The following GNAS variants were observed in gnomAD, a reference collection of about 807,000 sequenced individuals.
GNAS encodes the protein protein ALEX.
GNAS carries 8 observed loss-of-function variants against 54.5 expected under a neutral mutation model. That is an observed-to-expected ratio of 0.15 (90% CI 0.09 to 0.26). The LOEUF (loss-of-function observed/expected upper bound fraction) is 0.26. GNAS is among the 10% of genes least tolerant of loss of function. GNAS has a pLI of 1.00. For missense variants in GNAS, 170 were observed against 529.8 expected (o/e 0.32, Z 6.67); for synonymous variants, 204 against 191.4 (o/e 1.07, Z -0.54).
intron 1 of GNAS, chr20:58,895,138 G>A (rs1354346485): frequency 3.9e-6 from 1 of 254,550 alleles, no homozygotes; most frequent in African/African-American, 2.3e-5. Flanking sequence ...AGAGACTGCA[G>A]TGTCTGGGCA....
chr20:58,886,216 C>T (rs886232279), intron 1 of GNAS, among the ~76,000 whole-genome samples: 1 of 152,198 alleles, frequency 6.6e-6, no homozygotes, highest in Non-Finnish European at 1.5e-5. Flanking sequence ...GGACGTTGTT[C>T]ATTGTTGTCA....
Position 58,841,346 on chromosome 20 carries a change from GCCGCGCTGTAGAGACA to G in GNAS, c.43+464_43+479del. 2 of 1,057,968 alleles carry G rather than the reference GCCGCGCTGTAGAGACA, an allele frequency of 1.9e-6. No individual in the cohort carries two copies. Among genetic ancestry groups the G allele is most frequent in the Non-Finnish European group, 2.3e-6 (2 of 874,764 alleles). The allele number at this position is 1,057,968 out of a possible 1,614,324, so 65.5% of individuals were successfully genotyped here. ...CGCCAACTTTCACGATGTGAGAGCA[GCCGCGCTGTAGAGACA>G]CCGTTGAAATGTGCGGAAAGTAATC... On this transcript the variant is annotated intron_variant, in intron 1 of 12. Transcript: ENST00000306090. The surrounding 1 kb of genome is among the most constrained non-coding windows in gnomAD (Gnocchi z 5.0).
chr20:58,888,937 G>A (rs1384454398), upstream of GNAS: 2 of 269,246 alleles, frequency 7.4e-6, no homozygotes, highest in Non-Finnish European at 1.1e-5. Context: ...AGCGCCCACC[G>A]CCTTGGGCGC....
At position 58,853,866 on chromosome 20, in the gene GNAS, G is replaced by A; in HGVS notation, c.43+12980G>A. On this transcript the variant is annotated intron_variant, in intron 1 of 12. Transcript: ENST00000306090. The surrounding 1 kb of genome is among the most constrained non-coding windows in gnomAD (Gnocchi z 4.4). ...AGGGGTCCCCGGAGCTCCTCCCGAG[G>A]AGCCCCAAGCCCTCAGGCCTGCAAA... The A allele has an allele frequency of 6.3e-7, 1 of 1,595,382 alleles. No homozygotes were observed. The highest frequency in any genetic ancestry group is 8.5e-7 in the Non-Finnish European group (1 of 1,171,550).
intron 3 of GNAS, among the ~76,000 whole-genome samples, chr20:58,899,726 G>A (rs575620209): frequency 1.2e-4 from 18 of 151,370 alleles, no homozygotes; most frequent in Non-Finnish European, 2.4e-4. Context: ...ACAGCCACAC[G>A]CGCCGCGCAC....
Position 58,910,663 on chromosome 20 carries a change from C to G in GNAS, c.1039-20C>G. Reference sequence around the variant, plus strand: ...CCTGGCGAGGGTGTCACTGACAAGTCCCCTTGTTTGTGCCCGCAGAGGATC... The same window carrying G: ...CCTGGCGAGGGTGTCACTGACAAGTGCCCTTGTTTGTGCCCGCAGAGGATC... On this transcript the variant is annotated intron_variant, in intron 12 of 12. Transcript: ENST00000371085. The surrounding 1 kb of genome is among the most constrained non-coding windows in gnomAD (Gnocchi z 5.8). 1 of 1,613,918 alleles carries G rather than the reference C, an allele frequency of 6.2e-7. No homozygotes were observed. Among genetic ancestry groups the G allele is most frequent in the Non-Finnish European group, 8.5e-7 (1 of 1,179,850 alleles).
At position 58,853,557 on chromosome 20, in the gene GNAS, C is replaced by G. The variant is rs2086273077; in HGVS notation, c.43+12671C>G. 1.2e-6 allele frequency: 2 copies of G among 1,613,344 alleles called. No individual in the cohort carries two copies. Among genetic ancestry groups the G allele is most frequent in the Non-Finnish European group, 1.7e-6 (2 of 1,179,884 alleles). ...AGCCCATGGAAGCTACAGCCCACCT[C>G]CTGAGGAAGCAATGCCCTTCGAGGC... is the stretch of plus-strand genomic sequence containing the variant. On this transcript the variant is annotated intron_variant, in intron 1 of 12. Transcript: ENST00000306090. The surrounding 1 kb of genome is among the most constrained non-coding windows in gnomAD (Gnocchi z 4.4).
At chr20:58,845,013 G>A (rs528989258) in intron 1 of GNAS, among the ~76,000 whole-genome samples, 25 of 144,512 alleles carry the variant, frequency 1.7e-4, no homozygotes, top group African/African-American at 5.7e-4. Flanking sequence ...CATCCTGAGA[G>A]TCGTATTTAG....
At chr20:58,851,962 C>T (rs1043168020) in intron 1 of GNAS, among the ~76,000 whole-genome samples, 1 of 152,164 alleles carries the variant, frequency 6.6e-6, no homozygotes, top group African/African-American at 2.4e-5. Context: ...GTGCGCACAG[C>T]GTTGTCCAGT....
At chr20:58,849,302 T>C (rs868092557) in intron 1 of GNAS, among the ~76,000 whole-genome samples, 2 of 152,246 alleles carry the variant, frequency 1.3e-5, no homozygotes, top group South Asian at 4.1e-4. Context: ...CTGAAACCCC[T>C]TCCTCTGGTG....
rs531761615 is a variant in GNAS, at chr20:58,908,225, A to G, written c.531-937A>G. On this transcript the variant is annotated intron_variant, in intron 6 of 12. Transcript: ENST00000371085. ...CAATCTCTACATGCCCCTCCCTCCAAAAAATAACTGGTTTTAACATTAATT... is the reference window on the plus strand; with the variant it reads ...CAATCTCTACATGCCCCTCCCTCCAGAAAATAACTGGTTTTAACATTAATT... 7.2e-5 allele frequency among the ~76,000 whole-genome samples: 11 copies of G among 152,306 alleles called. 1 individual carries two copies. Among genetic ancestry groups the G allele is most frequent in the Admixed American group, 4.6e-4 (7 of 15,294 alleles).
At position 58,903,020 on chromosome 20, in the gene GNAS, G is replaced by C. The variant is rs554418748; in HGVS notation, c.258-511G>C. 4.2e-5 allele frequency: 10 copies of C among 239,412 alleles called. No individual in the cohort carries two copies. In the East Asian group the frequency reaches 1.0e-3, roughly 25 times the overall value. 14.8% of individuals were successfully genotyped at this position (239,412 alleles called of 1,614,324 possible). ...CAAAGTGCTGGGATTACAGGTGTGA[G>C]CCACCGCACCCGGGCTCCTGTAATG... On this transcript the variant is annotated intron_variant, in intron 3 of 12. Transcript: ENST00000371085.
chr20:58,851,572 G>A (rs79020647), intron 1 of GNAS, among the ~76,000 whole-genome samples: 5,347 of 152,206 alleles, frequency 0.035, 124 homozygotes, highest in African/African-American at 0.061. Context: ...CTTTTCTCCC[G>A]GGTTCCAATC....
intron 1 of GNAS, among the ~76,000 whole-genome samples, chr20:58,869,914 G>A (rs984077502): frequency 6.6e-6 from 1 of 152,152 alleles, no homozygotes; most frequent in Non-Finnish European, 1.5e-5. Context: ...AGCTGGGTCC[G>A]ATGGTGTCTG....
At chr20:58,866,306 C>T (rs758475366) in intron 1 of GNAS, among the ~76,000 whole-genome samples, 48 of 152,164 alleles carry the variant, frequency 3.2e-4, no homozygotes, top group African/African-American at 6.8e-4. Context: ...GTGGAAGGAA[C>T]GGCTCTGAAT....
intron 1 of GNAS, chr20:58,854,217 G>T (rs1382490884): frequency 6.2e-7 from 1 of 1,613,048 alleles, no homozygotes; most frequent in African/African-American, 1.3e-5. Flanking sequence ...CCCCGCTGGG[G>T]TCGACGACAC....
At chr20:58,901,866 A>ACTGCC (rs1418388118) in intron 3 of GNAS, among the ~76,000 whole-genome samples, 1 of 107,466 alleles carries the variant, frequency 9.3e-6, no homozygotes, top group Non-Finnish European at 1.7e-5. Context: ...TGCTCCACTG[A>ACTGCC]CTGCCCTGCC....
At chr20:58,855,852 T>C (rs777389215) in intron 1 of GNAS, 3 of 565,630 alleles carry the variant, frequency 5.3e-6, no homozygotes, top group Non-Finnish European at 9.4e-6. Context: ...GTGTCCCCTG[T>C]TCCTATCCCG....
At chr20:58,896,065 T>A (rs2090021136) in intron 2 of GNAS, among the ~76,000 whole-genome samples, 2 of 152,250 alleles carry the variant, frequency 1.3e-5, no homozygotes, top group South Asian at 4.2e-4. Context: ...CGCCCCCTCG[T>A]CCGGCCCACG....
Sources: gnomAD v4.1 joint callset for allele counts (sites outside exome capture counted in the v4.1 genomes callset) on GRCh38, gnomAD v4.1.1 for gene constraint, Gnocchi (gnomAD v3.1) non-coding constraint, MANE v1.5 for transcripts, NCBI Gene and HGNC (gene_info 2026-07-23, HGNC 2026-07-21) for gene names.